The following NTRK3 variants were observed in gnomAD, a reference collection of about 807,000 sequenced individuals.
NTRK3 encodes the protein neurotrophic receptor tyrosine kinase 3, also known as NT-3 growth factor receptor.
In NTRK3, 24 loss-of-function variants were observed where a neutral mutation model predicts 91.7. The ratio of observed to expected loss-of-function variants is 0.26; its 90% CI spans 0.19 to 0.37. NTRK3 has a LOEUF of 0.37. NTRK3 is among the 10% of genes least tolerant of loss of function. The pLI is 1.00. For missense variants in NTRK3, 880 were observed against 1,068.9 expected (o/e 0.82, Z 2.46); for synonymous variants, 483 against 404.0 (o/e 1.20, Z -2.34).
At position 88,193,947 on chromosome 15, in the gene NTRK3, G is replaced by A. The variant is rs114320212; in HGVS notation, c.249-9648C>T. On this transcript the variant is annotated intron_variant, in intron 3 of 18. Coordinates refer to ENST00000394480, the Ensembl canonical transcript of NTRK3. Reference sequence around the variant, plus strand: ...CTACACCTGCAGGCCCTTCTTCCTCGCCTCCCTTTGATTCTCCATCCTAGT... The same window carrying A: ...CTACACCTGCAGGCCCTTCTTCCTCACCTCCCTTTGATTCTCCATCCTAGT... 5.5e-3 allele frequency among the ~76,000 whole-genome samples: 840 copies of A among 152,116 alleles called. 11 individuals are homozygous for A. Among genetic ancestry groups the A allele is most frequent in the African/African-American group, 0.017 (710 of 41,502 alleles).
chr15:87,889,291 CAA>C (rs974991261), intron 17 of NTRK3, among the ~76,000 whole-genome samples: 6 of 151,512 alleles, frequency 4.0e-5, no homozygotes, highest in Non-Finnish European at 1.5e-5. Flanking sequence ...GGCTTGACAG[CAA>C]ACCCAATGAA....
chr15:88,059,219 C>A (rs2045989955), intron 13 of NTRK3, among the ~76,000 whole-genome samples: 1 of 152,124 alleles, frequency 6.6e-6, no homozygotes, highest in Non-Finnish European at 1.5e-5. Flanking sequence ...ATAAATAAGC[C>A]CTTTAATAAA....
chr15:88,192,026 C>T (rs906514850), intron 3 of NTRK3, among the ~76,000 whole-genome samples: 4 of 152,232 alleles, frequency 2.6e-5, no homozygotes, highest in African/African-American at 9.6e-5. Context: ...CCACGGTGAA[C>T]CAGCCCCGCA....
chr15:88,169,119 A>G (rs1352214976), intron 5 of NTRK3, among the ~76,000 whole-genome samples: 3 of 152,158 alleles, frequency 2.0e-5, no homozygotes, highest in Non-Finnish European at 4.4e-5. Context: ...ACATGCAGGG[A>G]GATGCTGGAA....
chr15:87,948,462 TG>T (rs1376297304), intron 14 of NTRK3, among the ~76,000 whole-genome samples: 1 of 152,102 alleles, frequency 6.6e-6, no homozygotes, highest in Non-Finnish European at 1.5e-5. Flanking sequence ...CCGAGGTGGG[TG>T]GATCACTTGA....
intron 3 of NTRK3, among the ~76,000 whole-genome samples, chr15:88,227,892 C>A (rs1228144499): frequency 6.6e-6 from 1 of 152,154 alleles, no homozygotes; most frequent in Non-Finnish European, 1.5e-5. Flanking sequence ...TTTCTCCTTA[C>A]TCCTGTATCC....
At chr15:88,147,387 G>A (rs149623569) in exon 6 of NTRK3, 65 of 1,613,752 alleles carry the variant, frequency 4.0e-5, no homozygotes, top group African/African-American at 3.2e-4. Context: ...GTGGTGAGCC[G>A]GTTACTTGAC....
chr15:87,879,031 T>G (rs538925676), intron 18 of NTRK3, among the ~76,000 whole-genome samples: 1 of 152,020 alleles, frequency 6.6e-6, no homozygotes, highest in Non-Finnish European at 1.5e-5. Context: ...TATATATACT[T>G]TCATTATTTT....
At chr15:88,013,610 T>C (rs754982467) in intron 14 of NTRK3, among the ~76,000 whole-genome samples, 1 of 152,318 alleles carries the variant, frequency 6.6e-6, no homozygotes, top group Non-Finnish European at 1.5e-5. Context: ...AGCTTCAAGT[T>C]TCCTTCCTTT....
chr15:88,149,225 G>T (rs559256881), intron 5 of NTRK3, among the ~76,000 whole-genome samples: 1 of 152,256 alleles, frequency 6.6e-6, no homozygotes, highest in East Asian at 1.9e-4. Context: ...GCCCTCTTTG[G>T]TGCAGTGGCT....
At chr15:88,075,360 G>A (rs76324757) in intron 13 of NTRK3, among the ~76,000 whole-genome samples, 2,598 of 152,316 alleles carry the variant, frequency 0.017, 44 homozygotes, top group South Asian at 0.058. Context: ...TCACCAGTAT[G>A]ACTGTCAATA....
chr15:88,116,629 G>C, intron 13 of NTRK3, among the ~76,000 whole-genome samples: 1 of 152,134 alleles, frequency 6.6e-6, no homozygotes, highest in Non-Finnish European at 1.5e-5. Context: ...TTAAAGCATG[G>C]TCCACAGAGC....
chr15:88,160,312 G>A (rs1224683086), intron 5 of NTRK3, among the ~76,000 whole-genome samples: 7 of 152,176 alleles, frequency 4.6e-5, no homozygotes, highest in African/African-American at 1.7e-4. Context: ...GGCCCACTGA[G>A]GGACCCATAC....
At chr15:87,937,301 A>G (rs1215516092) in intron 15 of NTRK3, among the ~76,000 whole-genome samples, 1 of 152,208 alleles carries the variant, frequency 6.6e-6, no homozygotes, top group East Asian at 1.9e-4. Flanking sequence ...TGTTCTAGAA[A>G]CCAATGAAAT....
At chr15:88,173,795 G>A (rs2045746720) in intron 5 of NTRK3, among the ~76,000 whole-genome samples, 1 of 152,246 alleles carries the variant, frequency 6.6e-6, no homozygotes, top group Non-Finnish European at 1.5e-5. Context: ...TTGGCCAAGA[G>A]ATGGTAGAGT....
At chr15:88,002,892 G>A (rs2076217859) in intron 14 of NTRK3, among the ~76,000 whole-genome samples, 1 of 152,100 alleles carries the variant, frequency 6.6e-6, no homozygotes, top group Non-Finnish European at 1.5e-5. Context: ...GAAGCCTGGG[G>A]AGTGGGGACC....
chr15:88,256,511 G>A (rs2054069627), intron 1 of NTRK3, 25 bp from the exon 2 acceptor site: 1 of 502,146 alleles, frequency 2.0e-6, no homozygotes, highest in Admixed American at 4.0e-5. Flanking sequence ...AACAGACGGT[G>A]GGGAGGCAAA....
intron 14 of NTRK3, among the ~76,000 whole-genome samples, chr15:88,029,356 C>A (rs920439256): frequency 1.3e-5 from 2 of 152,134 alleles, no homozygotes; most frequent in Admixed American, 6.5e-5. Context: ...ATCCTTGCAG[C>A]CTGACATGCT....
chr15:87,933,693 A>C (rs2069006468), intron 15 of NTRK3, among the ~76,000 whole-genome samples: 1 of 152,264 alleles, frequency 6.6e-6, no homozygotes, highest in Non-Finnish European at 1.5e-5. Context: ...CCTTGCTTTT[A>C]GATTGTGAAG....
Sources: gnomAD v4.1 joint callset for allele counts (sites outside exome capture counted in the v4.1 genomes callset) on GRCh38, gnomAD v4.1.1 for gene constraint, MANE v1.5 for transcripts, NCBI Gene and HGNC (gene_info 2026-07-23, HGNC 2026-07-21) for gene names.